The following AP2A1 variants were observed in gnomAD, a reference collection of about 807,000 sequenced individuals.
AP2A1 encodes the protein AP-2 complex subunit alpha-1.
In AP2A1, 21 loss-of-function variants were observed where a neutral mutation model predicts 107.3. The ratio of observed to expected loss-of-function variants is 0.20; its 90% CI spans 0.14 to 0.28. The LOEUF is 0.28. AP2A1 is among the 10% of genes least tolerant of loss of function. AP2A1 has a pLI of 1.00. For missense variants in AP2A1, 873 were observed against 1,307.7 expected, an observed-to-expected ratio of 0.67 and a Z score of 5.13; for synonymous variants, 602 against 564.8, an observed-to-expected ratio of 1.07 and a Z score of -0.93.
At chr19:49,802,844 G>T (rs2073307780) in intron 15 of AP2A1, 105 bp from the exon 16 acceptor site, 3 of 1,343,494 alleles carry the variant, frequency 2.2e-6, no homozygotes, top group African/African-American at 2.9e-5. Flanking sequence ...TGGATATGTG[G>T]TTCTGGGGTT....
Position 49,793,090 on chromosome 19 carries a change from C to T in AP2A1, c.703C>T (p.Arg235Trp), listed in dbSNP as rs759541757. 3 of 1,600,892 alleles carry T rather than the reference C, an allele frequency of 1.9e-6. No individual in the cohort carries two copies. Among genetic ancestry groups the T allele is most frequent in the Non-Finnish European group, 1.7e-6 (2 of 1,173,990 alleles). Residue 235 changes from arginine (R) to tryptophan (W), a missense_variant and splice_region_variant, in exon 6 of 23, where the codon CGG becomes TGG. Physicochemically the swap from Arg to Trp is moderately radical, Grantham distance 101 (BLOSUM62 -3). This residue lies in a region of AP2A1 where 157 missense variants were observed against 212.6 expected (regional missense o/e 0.74). Coordinates refer to ENST00000354293, the MANE Select transcript of AP2A1 (RefSeq NM_130787.3). ...CTCTCTGGCTGTGTCGCGCCTGAGC[C>T]GGGTGGGTGTGGCCTAGATATTGGC... ...CVSLAVSRLS[R>W]IVSSASTDLQ...
chr19:49,778,515 G>A (rs761083041), intron 1 of AP2A1, among the ~76,000 whole-genome samples: 2 of 152,084 alleles, frequency 1.3e-5, no homozygotes, highest in Admixed American at 6.5e-5. Flanking sequence ...CCCAGGAGGC[G>A]GAGGTTGCAG....
intron 22 of AP2A1, 90 bp downstream of exon 22, chr19:49,806,343 A>G: frequency 7.0e-7 from 1 of 1,438,490 alleles, no homozygotes; most frequent in Non-Finnish European, 9.1e-7. Context: ...TCTTTAATTC[A>G]CGTCCCCACT....
intron 1 of AP2A1, among the ~76,000 whole-genome samples, chr19:49,767,635 A>G (rs2084516784): frequency 6.6e-6 from 1 of 152,040 alleles, no homozygotes; most frequent in Non-Finnish European, 1.5e-5. Flanking sequence ...AGGAAGTGGA[A>G]TGCCGGAAGC....
chr19:49,774,296 A>G (rs912983350), intron 1 of AP2A1, among the ~76,000 whole-genome samples: 1 of 152,020 alleles, frequency 6.6e-6, no homozygotes, highest in African/African-American at 2.4e-5. Flanking sequence ...CCCTGGCCTC[A>G]TGGCACTGGT....
At position 49,799,500 on chromosome 19, in the gene AP2A1, G is replaced by A; in HGVS notation, c.1134+5G>A. The A allele has an allele frequency of 6.2e-7, 1 of 1,609,644 alleles. No homozygotes were observed. Among genetic ancestry groups the A allele is most frequent in the Non-Finnish European group, 8.5e-7 (1 of 1,179,080 alleles). On this transcript the variant is annotated splice_donor_5th_base_variant and intron_variant, in intron 9 of 22. Transcript: ENST00000354293. ...ACCGTCATCAATGCCCTCAAGGTGTGAGCCCTTGGAGCCCACCCCGGGCCT... is the reference window on the plus strand; with the variant it reads ...ACCGTCATCAATGCCCTCAAGGTGTAAGCCCTTGGAGCCCACCCCGGGCCT...
In AP2A1 at chr19:49,795,748, G is replaced by A. The variant is rs755818139; in HGVS notation, c.814+10G>A. 1.0e-5 allele frequency: 16 copies of A among 1,533,542 alleles called. No individual in the cohort carries two copies. Among genetic ancestry groups the A allele is most frequent in the East Asian group, 4.9e-5 (2 of 41,014 alleles). The allele number at this position is 1,533,542 out of a possible 1,614,324, so 95.0% of individuals were successfully genotyped here. A position where few individuals can be genotyped will look rare whatever the true frequency, so the allele number is the denominator to read the frequency against. ...TGCTACCCGCCTCCAGGTAATGAAC[G>A]CCGTGCACTCCCCAACCCGGGGTGG... On this transcript the variant is annotated intron_variant, in intron 7 of 22. Coordinates refer to ENST00000354293, the MANE Select transcript of AP2A1 (RefSeq NM_130787.3).
intron 8 of AP2A1, 27 bp downstream of exon 8, chr19:49,798,979 G>A (rs1484794134): frequency 6.4e-7 from 1 of 1,551,520 alleles, no homozygotes; most frequent in South Asian, 1.2e-5. Flanking sequence ...ATCAGGGCCT[G>A]ATGCCTGGGG....
At chr19:49,767,679 G>A (rs2123651104) in intron 1 of AP2A1, among the ~76,000 whole-genome samples, 1 of 152,228 alleles carries the variant, frequency 6.6e-6, no homozygotes, top group Non-Finnish European at 1.5e-5. Flanking sequence ...CTGGGATAGG[G>A]GGTGTCATAC....
At chr19:49,772,261 T>TTTTTTTTG (rs1568573069) in intron 1 of AP2A1, among the ~76,000 whole-genome samples, 10 of 131,096 alleles carry the variant, frequency 7.6e-5, no homozygotes, top group African/African-American at 2.8e-4. Flanking sequence ...TTTTTTTTTT[T>TTTTTTTTG]TTTTTTTTTT....
At chr19:49,800,756 C>CT in intron 11 of AP2A1, 2 of 507,084 alleles carry the variant, frequency 3.9e-6, no homozygotes, top group Non-Finnish European at 7.0e-6. Context: ...CAGGCATGAG[C>CT]CACTGCTTCC....
chr19:49,795,691 G>C lies in AP2A1; in HGVS notation c.767G>C (p.Trp256Ser). The C allele has an allele frequency of 6.4e-7, 1 of 1,568,544 alleles. No individual in the cohort carries two copies. The highest frequency in any genetic ancestry group is 8.6e-7 in the Non-Finnish European group (1 of 1,158,094). ...ACCTACTACTTCGTCCCAGCACCCT[G>C]GCTCTCGGTGAAGCTCCTGCGGCTG... is the stretch of plus-strand genomic sequence containing the variant. ...DYTYYFVPAP[W>S]LSVKLLRLLQ... The change falls in exon 7 of 23, where the codon TGG (tryptophan) becomes TCG (serine). Residue 256 changes from tryptophan to serine, a missense_variant. Transcript: ENST00000354293.
chr19:49,794,212 C>G (rs943054546), intron 6 of AP2A1, among the ~76,000 whole-genome samples: 12 of 140,164 alleles, frequency 8.6e-5, no homozygotes, highest in African/African-American at 2.9e-4. Flanking sequence ...CTCATTGTTT[C>G]TTTCTCAGGT....
intron 1 of AP2A1, among the ~76,000 whole-genome samples, chr19:49,773,436 C>T (rs1957793917): frequency 6.6e-6 from 1 of 152,196 alleles, no homozygotes; most frequent in Admixed American, 6.5e-5. Flanking sequence ...GGTCTCACTC[C>T]AGCTTTGTCC....
chr19:49,795,608 A>AAT, intron 6 of AP2A1, 22 bp from the exon 7 acceptor site: 1 of 917,278 alleles, frequency 1.1e-6, no homozygotes, highest in Non-Finnish European at 1.5e-6. Context: ...CCCCCAACTT[A>AAT]TTTCTTGCTC....
chr19:49,779,382 C>T (rs1337665526), intron 1 of AP2A1, among the ~76,000 whole-genome samples: 2 of 146,662 alleles, frequency 1.4e-5, no homozygotes, highest in Admixed American at 7.0e-5. Flanking sequence ...TGTTATGCAC[C>T]TGTAGTCCCA....
At chr19:49,791,865 A>G (rs1288203910) in intron 4 of AP2A1, 70 bp from the exon 5 acceptor site, 3 of 1,518,092 alleles carry the variant, frequency 2.0e-6, no homozygotes, top group Admixed American at 3.9e-5. Flanking sequence ...GAGGAACAGG[A>G]GAGGAGGGGA....
chr19:49,799,307 C>CT lies in AP2A1; in HGVS notation c.966-18dup, dbSNP rs1189288024. 3 of 1,606,000 alleles carry CT rather than the reference C, an allele frequency of 1.9e-6. No homozygotes were observed. The highest frequency in any genetic ancestry group is 2.7e-5 in the African/African-American group (2 of 74,904). ...TGTCAGTTTCTCTCACCATCCCTCT[C>CT]TTGTGGCCCCTGCTGGCAGTGAGCC... is the stretch of plus-strand genomic sequence containing the variant. On this transcript the variant is annotated intron_variant, in intron 8 of 22. Coordinates refer to ENST00000354293, the MANE Select transcript of AP2A1 (RefSeq NM_130787.3).
rs563628321 is a variant in AP2A1, at chr19:49,795,799, C to T, written c.814+61C>T. The T allele has an allele frequency of 6.3e-6, 8 of 1,267,282 alleles. No homozygotes were observed. In the African/African-American group the frequency reaches 1.2e-4, roughly 19 times the overall value. 78.5% of individuals were successfully genotyped at this position (1,267,282 alleles called of 1,614,324 possible). A position where few individuals can be genotyped will look rare whatever the true frequency, so the allele number is the denominator to read the frequency against. On this transcript the variant is annotated intron_variant, in intron 7 of 22. Coordinates refer to ENST00000354293, the MANE Select transcript of AP2A1 (RefSeq NM_130787.3). ...CCTGCTGCTGGCATCTGGGGGCCTCCTGCTCCACGGCGCACCAGGTGGGAC... is the reference window on the plus strand; with the variant it reads ...CCTGCTGCTGGCATCTGGGGGCCTCTTGCTCCACGGCGCACCAGGTGGGAC...
Sources: allele counts gnomAD v4.1 joint callset (sites outside exome capture counted in the v4.1 genomes callset), GRCh38; gene constraint gnomAD v4.1.1; regional missense constraint gnomAD v4.1.1; transcripts MANE v1.5; gene names NCBI Gene and HGNC (gene_info 2026-07-23, HGNC 2026-07-21).